The following NCOR2 variants were observed in gnomAD, a reference collection of about 807,000 sequenced individuals.
The protein encoded by NCOR2 is nuclear receptor corepressor 2.
A neutral mutation model predicts 262.9 loss-of-function variants in NCOR2; 81 were observed. The observed-to-expected ratio is 0.31, with a 90% CI of 0.26 to 0.37. The LOEUF is 0.37. Among genes scored for constraint, NCOR2 ranks in the 10% least tolerant of loss-of-function variants. The probability of loss-of-function intolerance (pLI) is 1.00; values close to 1 mark genes in which losing one functional copy is unlikely to be tolerated. For missense variants in NCOR2, 3,385 were observed against 3,621.4 expected (o/e 0.93, Z 1.68); for synonymous variants, 1,659 against 1,559.3 (o/e 1.06, Z -1.51).
At chr12:124,555,416 G>A (rs1435599662) in intron 1 of NCOR2, among the ~76,000 whole-genome samples, 2 of 152,150 alleles carry the variant, frequency 1.3e-5, no homozygotes, top group Non-Finnish European at 2.9e-5. Context: ...AGGCACGGGG[G>A]CATCCCGACC....
At chr12:124,399,643 A>T (rs2041888374) in intron 15 of NCOR2, among the ~76,000 whole-genome samples, 1 of 152,148 alleles carries the variant, frequency 6.6e-6, no homozygotes, top group African/African-American at 2.4e-5. Flanking sequence ...CAGGTGCATG[A>T]CCCGGACCCC....
chr12:124,502,386 G>A (rs1593859435), intron 1 of NCOR2, among the ~76,000 whole-genome samples: 1 of 152,242 alleles, frequency 6.6e-6, no homozygotes, highest in East Asian at 1.9e-4. Context: ...GGGAGTAAGA[G>A]GATGGCAGAA....
intron 20 of NCOR2, among the ~76,000 whole-genome samples, chr12:124,366,212 G>A (rs895979633): frequency 6.6e-6 from 1 of 152,154 alleles, no homozygotes; most frequent in Non-Finnish European, 1.5e-5. Context: ...AGAGACGAAT[G>A]AGGAGACAAA....
At chr12:124,550,186 C>A (rs547491074) in intron 1 of NCOR2, among the ~76,000 whole-genome samples, 5 of 152,148 alleles carry the variant, frequency 3.3e-5, no homozygotes, top group Non-Finnish European at 5.9e-5. Context: ...CCGAACAGTG[C>A]CCAGGCTGAG....
At chr12:124,420,753 C>T (rs2043159328) in intron 12 of NCOR2, among the ~76,000 whole-genome samples, 1 of 152,340 alleles carries the variant, frequency 6.6e-6, no homozygotes, top group African/African-American at 2.4e-5. Flanking sequence ...GCCCAGCTTG[C>T]CAATGCCCAC....
rs1566016502 is a variant in NCOR2 at position 124,515,665 on chromosome 12, ATG to A, written c.-118+19898_-118+19899del. ...AGTGTGCATATGAGTGTGAGTGTGCATGTGAGTGTGAGTGTGCGAGTATGCGT... is the reference window on the plus strand; with the variant it reads ...AGTGTGCATATGAGTGTGAGTGTGCATGAGTGTGAGTGTGCGAGTATGCGT... On this transcript the variant is annotated intron_variant, in intron 1 of 46. Transcript: ENST00000404621. Among the ~76,000 whole-genome samples, 9 of 151,174 alleles carry A rather than the reference ATG, an allele frequency of 6.0e-5. No individual in the cohort carries two copies. The East Asian group carries it at 1.2e-3, about 20-fold the overall frequency.
In NCOR2 at chr12:124,531,235, T is replaced by C. The variant is rs1457031295; in HGVS notation, c.-118+4330A>G. Among the ~76,000 whole-genome samples, 2 of 151,940 alleles carry C rather than the reference T, an allele frequency of 1.3e-5. No homozygotes were observed. Among genetic ancestry groups the C allele is most frequent in the African/African-American group, 4.8e-5 (2 of 41,366 alleles). ...ACCCGTTTATGAAAGAAAATGATAATAATAATAGAAGGACAGGGAGGGGGC... is the reference window on the plus strand; with the variant it reads ...ACCCGTTTATGAAAGAAAATGATAACAATAATAGAAGGACAGGGAGGGGGC... On this transcript the variant is annotated intron_variant, in intron 1 of 46. Coordinates refer to the NCOR2 transcript ENST00000404621. This position sits in a 1 kb window ranked among gnomAD's most constrained non-coding sequence, Gnocchi z 4.5.
At chr12:124,509,250 C>CA (rs988938813) in intron 1 of NCOR2, among the ~76,000 whole-genome samples, 2 of 110,788 alleles carry the variant, frequency 1.8e-5, no homozygotes, top group African/African-American at 1.0e-4. Context: ...GGGGGGGGGG[C>CA]TTAACTCTGA....
chr12:124,340,407 G>C, exon 36 of NCOR2: 2 of 1,613,038 alleles, frequency 1.2e-6, no homozygotes, highest in Non-Finnish European at 1.7e-6. Flanking sequence ...CTCGGACGAG[G>C]ACGTGGTGGT....
chr12:124,378,100 AGG>A lies in NCOR2; in HGVS notation c.2167+135_2167+136del. On this transcript the variant is annotated intron_variant, in intron 18 of 46. Transcript: ENST00000405201. The surrounding 1 kb of genome is among the most constrained non-coding windows in gnomAD (Gnocchi z 4.2). Reference sequence around the variant, plus strand: ...CTGGCAAGTCAGGCCCGCACCTTCCAGGGAGTCGAGGCCCCTTCTAAGGAGGA... The same window carrying A: ...CTGGCAAGTCAGGCCCGCACCTTCCAGAGTCGAGGCCCCTTCTAAGGAGGA... 1 of 1,490,864 alleles carries A rather than the reference AGG, an allele frequency of 6.7e-7. No individual in the cohort carries two copies. The highest frequency in any genetic ancestry group is 1.4e-5 in the African/African-American group (1 of 71,408). The allele number at this position is 1,490,864 out of a possible 1,614,324, so 92.4% of individuals were successfully genotyped here. A position where few individuals can be genotyped will look rare whatever the true frequency, so the allele number is the denominator to read the frequency against.
chr12:124,396,448 A>C (rs1427160761), intron 16 of NCOR2, among the ~76,000 whole-genome samples: 1 of 152,196 alleles, frequency 6.6e-6, no homozygotes, highest in African/African-American at 2.4e-5. Flanking sequence ...CACCAAGTGG[A>C]CATTAAAGAC....
At position 124,406,578 on chromosome 12, in the gene NCOR2, A is replaced by G. The variant is rs115746519; in HGVS notation, c.1483-4017T>C. On this transcript the variant is annotated intron_variant, in intron 13 of 46. Coordinates refer to ENST00000405201, the Ensembl canonical transcript of NCOR2. Reference sequence around the variant, plus strand: ...GAAAGAACTAGAAGCCAGCTCCACTATCTCAAAGGACCCCGCCCTCGTGGT... The same window carrying G: ...GAAAGAACTAGAAGCCAGCTCCACTGTCTCAAAGGACCCCGCCCTCGTGGT... Among the ~76,000 whole-genome samples, 957 of 152,300 alleles carry G rather than the reference A, an allele frequency of 6.3e-3. 16 individuals carry two copies. The highest frequency in any genetic ancestry group is 0.021 in the African/African-American group (870 of 41,564).
chr12:124,373,592 TGCGCAGGGGCCCCGGGCACA>T, intron 19 of NCOR2, among the ~76,000 whole-genome samples: 4 of 118,368 alleles, frequency 3.4e-5, no homozygotes, highest in Admixed American at 1.6e-4. Flanking sequence ...GGCCAGTGCG[TGCGCAGGGGCCCCGGGCACA>T]GTGGGCAGTG....
exon 20 of NCOR2, chr12:124,372,312 C>T: frequency 1.3e-6 from 2 of 1,529,632 alleles, no homozygotes; most frequent in South Asian, 2.6e-5. Flanking sequence ...GCTCCTCCCC[C>T]TCCTCCACTG....
intron 30 of NCOR2, chr12:124,347,461 C>T (rs1300149311): frequency 8.2e-6 from 2 of 243,538 alleles, no homozygotes; most frequent in South Asian, 1.2e-4. Context: ...GGACCAGCCG[C>T]GAGAACCTGA....
At position 124,457,618 on chromosome 12, in the gene NCOR2, G is replaced by A. The variant is rs921966152; in HGVS notation, c.706-456C>T. The stretch of plus-strand genomic sequence containing the variant: ...GGAGGAGGAGGAGGAGGGAGGGTGA[G>A]ATAGAGGCGCTCGGAGATACCCTTT... On this transcript the variant is annotated intron_variant, in intron 5 of 46. Transcript: ENST00000405201. This position sits in a 1 kb window ranked among gnomAD's most constrained non-coding sequence, Gnocchi z 4.0. 2.6e-5 allele frequency among the ~76,000 whole-genome samples: 4 copies of A among 152,096 alleles called. No individual in the cohort carries two copies. Among genetic ancestry groups the A allele is most frequent in the African/African-American group, 4.8e-5 (2 of 41,404 alleles).
chr12:124,411,959 C>T (rs1254797804), intron 13 of NCOR2, among the ~76,000 whole-genome samples: 2 of 152,226 alleles, frequency 1.3e-5, no homozygotes, highest in African/African-American at 2.4e-5. Flanking sequence ...AGCCTATGCC[C>T]GGGCCTGCAT....
In NCOR2 at chr12:124,517,055, G is replaced by A. The variant is rs2137058158; in HGVS notation, c.-118+18510C>T. ...CAGGAACCCAGGCAGTCTGCCCCGC[G>A]TTCCCCCTAAAACTGCAGCTCCTTC... On this transcript the variant is annotated intron_variant, in intron 1 of 46. Coordinates refer to the NCOR2 transcript ENST00000404621. The surrounding 1 kb of genome is among the most constrained non-coding windows in gnomAD (Gnocchi z 7.6). Among the ~76,000 whole-genome samples, 2 of 152,200 alleles carry A rather than the reference G, an allele frequency of 1.3e-5. No individual in the cohort carries two copies. Among genetic ancestry groups the A allele is most frequent in the East Asian group, 3.9e-4 (2 of 5,162 alleles).
intron 33 of NCOR2, among the ~76,000 whole-genome samples, chr12:124,342,694 G>T (rs916719317): frequency 4.6e-5 from 7 of 152,180 alleles, no homozygotes; most frequent in African/African-American, 1.7e-4. Flanking sequence ...TTCAGATCAT[G>T]TCTATTTGAA....
Sources: allele counts gnomAD v4.1 joint callset (sites outside exome capture counted in the v4.1 genomes callset), GRCh38; gene constraint gnomAD v4.1.1; non-coding constraint Gnocchi (gnomAD v3.1); transcripts MANE v1.5; gene names NCBI Gene and HGNC (gene_info 2026-07-23, HGNC 2026-07-21).